The following APOBEC3G variants were observed in gnomAD, a reference collection of about 807,000 sequenced individuals.
APOBEC3G encodes the protein DNA dC->dU-editing enzyme APOBEC-3G.
In APOBEC3G, 44 loss-of-function variants were observed where a neutral mutation model predicts 50.0. That is an observed-to-expected ratio of 0.88 (90% confidence interval 0.69 to 1.13). APOBEC3G has a LOEUF of 1.13. APOBEC3G is among the 50% of genes most tolerant of loss of function. APOBEC3G has a pLI of 0.00. For synonymous variants in APOBEC3G, 156 were observed against 175.3 expected, an observed-to-expected ratio of 0.89 and a Z score of 0.87; for missense variants, 469 against 492.0, an observed-to-expected ratio of 0.95 and a Z score of 0.44.
chr22:39,078,270 A>C (rs1305908327), intron 1 of APOBEC3G, among the ~76,000 whole-genome samples: 1 of 152,232 alleles, frequency 6.6e-6, no homozygotes, highest in Non-Finnish European at 1.5e-5. Flanking sequence ...GAAAGAAAAA[A>C]AAACAAAAAC....
chr22:39,084,433 A>G (rs967853902), intron 5 of APOBEC3G, among the ~76,000 whole-genome samples: 7 of 152,308 alleles, frequency 4.6e-5, no homozygotes, highest in Non-Finnish European at 7.3e-5. Context: ...AGACTGAGGC[A>G]GGAGAATGGC....
intron 5 of APOBEC3G, among the ~76,000 whole-genome samples, chr22:39,085,390 G>GGA (rs2146300481): frequency 6.6e-6 from 1 of 152,080 alleles, no homozygotes; most frequent in African/African-American, 2.4e-5. Context: ...CGGGTAGACA[G>GGA]GTCAGCCTCC....
In APOBEC3G at chr22:39,080,967, G is replaced by A. The variant is rs1168923239; in HGVS notation, c.206G>A (p.Arg69Lys). The change falls in exon 3 of 8, where the codon AGA becomes AAA. Residue 69 changes from arginine to lysine, a missense_variant. Physicochemically the swap from Arg to Lys is conservative, Grantham distance 26 (BLOSUM62 2). Transcript: ENST00000407997. ...GAACTTAAGTACCACCCAGAGATGA[G>A]ATTCTTCCACTGGTTCAGCAAGTGG... Reference protein sequence around the residue: ...YSELKYHPEMRFFHWFSKWRK... With the variant: ...YSELKYHPEMKFFHWFSKWRK... 5.0e-6 allele frequency: 8 copies of A among 1,613,742 alleles called. No individual in the cohort carries two copies. In the African/African-American group the frequency reaches 9.4e-5, roughly 19 times the overall value.
chr22:39,086,498 G>C lies in APOBEC3G; in HGVS notation c.955G>C (p.Gly319Arg). The C allele has an allele frequency of 6.2e-7, 1 of 1,614,118 alleles. No homozygotes were observed. The highest frequency in any genetic ancestry group is 8.5e-7 in the Non-Finnish European group (1 of 1,179,974). The change falls in exon 6 of 8, where the codon GGA becomes CGA. Residue 319 changes from glycine (G) to arginine (R), a missense_variant. By Grantham distance (125) the Gly-to-Arg change is moderately radical. Transcript: ENST00000407997. ...IFTARIYDDQ[G>R]RCQEGLRTLA... Reference sequence around the variant, plus strand: ...CACTGCCCGCATCTATGATGATCAAGGAAGATGTCAGGAGGGGCTGCGCAC... The same window carrying C: ...CACTGCCCGCATCTATGATGATCAACGAAGATGTCAGGAGGGGCTGCGCAC...
rs1459219612 is a variant in APOBEC3G at position 39,077,341 on chromosome 22, G to A, written c.-21G>A. The A allele has an allele frequency of 6.4e-7, 1 of 1,572,916 alleles. No homozygotes were observed. Among genetic ancestry groups the A allele is most frequent in the Non-Finnish European group, 8.6e-7 (1 of 1,158,516 alleles). The stretch of plus-strand genomic sequence containing the variant: ...CCTGGTGCTCCAGACAAAGATCTTA[G>A]TCGGGACTAGCCGGCCAAGGATGAA... On this transcript the variant is annotated 5_prime_UTR_variant, in exon 1 of 8. Coordinates refer to ENST00000407997, the MANE Select transcript of APOBEC3G (RefSeq NM_021822.4).
intron 5 of APOBEC3G, among the ~76,000 whole-genome samples, chr22:39,085,482 G>A (rs1362758039): frequency 1.3e-5 from 2 of 152,236 alleles, no homozygotes; most frequent in African/African-American, 2.4e-5. Context: ...GCCTGGGGCG[G>A]AGTGAGGGTC....
intron 2 of APOBEC3G, 63 bp from the exon 3 acceptor site, chr22:39,080,870 C>A: frequency 1.5e-6 from 2 of 1,338,530 alleles, no homozygotes; most frequent in Non-Finnish European, 1.0e-6. Flanking sequence ...CTCCCCCTGC[C>A]CCACCCCTGC....
intron 2 of APOBEC3G, 194 bp from the exon 3 acceptor site, chr22:39,080,739 A>G (rs1672624569): frequency 1.6e-6 from 1 of 607,762 alleles, no homozygotes; most frequent in Admixed American, 3.0e-5. Context: ...TCTTAAGGCC[A>G]TTACCATAGC....
chr22:39,087,195 C>T lies in APOBEC3G; in HGVS notation c.1140+69C>T. ...CTCCTCCCCTCTCCCCTGCGCCGTGCCTTCCCCTCTGCTCAGAGCCTCCTC... is the reference window on the plus strand; with the variant it reads ...CTCCTCCCCTCTCCCCTGCGCCGTGTCTTCCCCTCTGCTCAGAGCCTCCTC... On this transcript the variant is annotated intron_variant, in intron 7 of 7. Transcript: ENST00000407997. The T allele has an allele frequency of 3.7e-6, 6 of 1,609,006 alleles. No individual in the cohort carries two copies. The South Asian group carries it at 6.6e-5, about 18-fold the overall frequency.
At chr22:39,080,114 G>T (rs1040415021) in intron 2 of APOBEC3G, 4 of 230,124 alleles carry the variant, frequency 1.7e-5, no homozygotes, top group African/African-American at 9.4e-5. Flanking sequence ...CCCATTTCAA[G>T]TACTCAGTAG....
Position 39,086,525 on chromosome 22 carries a change from C to A in APOBEC3G, c.982C>A (p.Leu328Met). The change falls in exon 6 of 8, where the codon CTG (leucine) becomes ATG (methionine). Residue 328 changes from leucine to methionine, a missense_variant. Leu to Met is a conservative substitution (Grantham distance 15). Coordinates refer to ENST00000407997, the MANE Select transcript of APOBEC3G (RefSeq NM_021822.4). ...AAGATGTCAGGAGGGGCTGCGCACC[C>A]TGGCCGAGGCTGGGGCCAAAATTTC... ...QGRCQEGLRT[L>M]AEAGAKISIM... 1 of 1,610,950 alleles carries A rather than the reference C, an allele frequency of 6.2e-7. No homozygotes were observed. The highest frequency in any genetic ancestry group is 8.5e-7 in the Non-Finnish European group (1 of 1,177,886).
At chr22:39,078,893 T>G in intron 1 of APOBEC3G, 39 bp from the exon 2 acceptor site, 1 of 1,610,978 alleles carries the variant, frequency 6.2e-7, no homozygotes, top group Non-Finnish European at 8.5e-7. Flanking sequence ...CCCCCAGGAG[T>G]GCTCTCTACA....
intron 1 of APOBEC3G, 134 bp from the exon 2 acceptor site, chr22:39,078,798 C>A: frequency 7.6e-7 from 1 of 1,321,600 alleles, no homozygotes; most frequent in South Asian, 1.6e-5. Context: ...CTACAGTCTC[C>A]GCCGAAATTC....
intron 1 of APOBEC3G, 64 bp downstream of exon 1, chr22:39,077,442 G>A: frequency 1.3e-6 from 2 of 1,558,770 alleles, no homozygotes; most frequent in East Asian, 2.4e-5. Context: ...TGGCTCTGCT[G>A]GGCGTCAGCC....
At chr22:39,082,205 T>A (rs1317631489) in intron 4 of APOBEC3G, 3 of 153,738 alleles carry the variant, frequency 2.0e-5, no homozygotes, top group Non-Finnish European at 4.3e-5. Context: ...TCTCTGGCCT[T>A]TCCTCTGTGC....
At chr22:39,081,837 C>G in intron 4 of APOBEC3G, 1 of 447,130 alleles carries the variant, frequency 2.2e-6, no homozygotes. Context: ...AGAGCAACCT[C>G]CATCCACCCC....
chr22:39,078,977 T>G lies in APOBEC3G; in HGVS notation c.63T>G (p.Phe21Leu), dbSNP rs527545635. 6.2e-7 allele frequency: 1 copy of G among 1,614,126 alleles called. No individual in the cohort carries two copies. The highest frequency in any genetic ancestry group is 2.2e-5 in the East Asian group (1 of 44,876). Residue 21 changes from phenylalanine to leucine, a missense_variant, in exon 2 of 8, where the codon TTT (phenylalanine) becomes TTG (leucine). Phe to Leu is a conservative substitution (Grantham distance 22, BLOSUM62 0). Coordinates refer to ENST00000407997, the MANE Select transcript of APOBEC3G (RefSeq NM_021822.4). ...ATCGAGACACATTCTCCTACAACTT[T>G]TATAATAGACCCATCCTTTCTCGTC... is the stretch of plus-strand genomic sequence containing the variant. ...RMYRDTFSYN[F>L]YNRPILSRRN...
In APOBEC3G at chr22:39,086,321, C is replaced by G. The variant is rs1928688427; in HGVS notation, c.778C>G (p.Leu260Val). Residue 260 changes from leucine (L) to valine (V), a missense_variant, in exon 6 of 8, where the codon CTG (leucine) becomes GTG (valine). By Grantham distance (32) the Leu-to-Val change is conservative (BLOSUM62 1). Coordinates refer to ENST00000407997, the MANE Select transcript of APOBEC3G (RefSeq NM_021822.4). ...HGFLEGRHAE[L>V]CFLDVIPFWK... ...TTTCCTTGAAGGCCGCCATGCAGAG[C>G]TGTGCTTCCTGGACGTGATTCCCTT... is the stretch of plus-strand genomic sequence containing the variant. 1.2e-6 allele frequency: 2 copies of G among 1,612,132 alleles called. No individual in the cohort carries two copies. The highest frequency in any genetic ancestry group is 2.7e-5 in the African/African-American group (2 of 74,860).
chr22:39,084,228 T>C (rs946456622), intron 5 of APOBEC3G, among the ~76,000 whole-genome samples: 5 of 152,022 alleles, frequency 3.3e-5, no homozygotes, highest in Admixed American at 3.3e-4. Flanking sequence ...CCAAGTGGGA[T>C]CAAAGAAAAA....
Sources: gnomAD v4.1 joint callset for allele counts (sites outside exome capture counted in the v4.1 genomes callset) on GRCh38, gnomAD v4.1.1 for gene constraint, MANE v1.5 for transcripts, NCBI Gene and HGNC (gene_info 2026-07-23, HGNC 2026-07-21) for gene names.